KLHDC4: variants seen among roughly 807,000 people sequenced by gnomAD.
KLHDC4 encodes the protein kelch domain containing 4, also known as kelch domain-containing protein 4.
A neutral mutation model predicts 62.4 loss-of-function variants in KLHDC4; 90 were observed. The ratio of observed to expected loss-of-function variants is 1.44; its 90% CI spans 1.22 to 1.72. The LOEUF is 1.72. Ranked by LOEUF, KLHDC4 falls within the 40% of genes most tolerant of loss-of-function variation. The pLI is 0.00. For synonymous variants in KLHDC4, 386 were observed against 284.4 expected, an observed-to-expected ratio of 1.36 and a Z score of -3.59; for missense variants, 1,025 against 699.7, an observed-to-expected ratio of 1.47 and a Z score of -5.25.
intron 7 of KLHDC4, among the ~76,000 whole-genome samples, chr16:87,721,446 C>T (rs1597478340): frequency 6.7e-6 from 1 of 149,538 alleles, no homozygotes; most frequent in Admixed American, 6.7e-5. Flanking sequence ...AAAATACACC[C>T]AGAAACAGGT....
At chr16:87,765,085 C>T (rs1358898786) in intron 1 of KLHDC4, 1 of 455,730 alleles carries the variant, frequency 2.2e-6, no homozygotes, top group South Asian at 1.5e-5. Flanking sequence ...AGGAGTAAAG[C>T]CCAGGGAGCT....
chr16:87,752,409 C>G lies in KLHDC4; in HGVS notation c.369+2785G>C, dbSNP rs1289878709. On this transcript the variant is annotated intron_variant, in intron 4 of 11. Transcript: ENST00000270583. ...GGAGTGCAGTGGCGTGATCTTGGCTCACTGCAACCTCCAACGCCCCTGGTT... is the reference window on the plus strand; with the variant it reads ...GGAGTGCAGTGGCGTGATCTTGGCTGACTGCAACCTCCAACGCCCCTGGTT... Among the ~76,000 whole-genome samples, 7 of 149,446 alleles carry G rather than the reference C, an allele frequency of 4.7e-5. No individual in the cohort carries two copies. The Admixed American group carries it at 4.7e-4, about 10-fold the overall frequency.
chr16:87,713,246 C>A (rs1317367434), intron 8 of KLHDC4, among the ~76,000 whole-genome samples: 2 of 151,960 alleles, frequency 1.3e-5, no homozygotes, highest in Non-Finnish European at 2.9e-5. Flanking sequence ...GTCGCCCAGG[C>A]TGGAGTGCGG....
At chr16:87,713,476 G>C (rs1473458055) in intron 8 of KLHDC4, among the ~76,000 whole-genome samples, 2 of 152,164 alleles carry the variant, frequency 1.3e-5, no homozygotes, top group Non-Finnish European at 2.9e-5. Context: ...GGGATTATAG[G>C]TATGAGCCAC....
exon 1 of KLHDC4, chr16:87,698,269 G>A (rs2033985372): frequency 6.6e-6 from 1 of 152,266 alleles, no homozygotes; most frequent in South Asian, 2.1e-4. Flanking sequence ...TTCTGATAAT[G>A]TCGCTTTCTA....
At chr16:87,746,544 C>G (rs1187729644) in intron 5 of KLHDC4, among the ~76,000 whole-genome samples, 1 of 152,190 alleles carries the variant, frequency 6.6e-6, no homozygotes, top group African/African-American at 2.4e-5. Flanking sequence ...CACACCCTGG[C>G]TGCCAAGGCA....
At chr16:87,741,958 C>A (rs2143015374) in intron 5 of KLHDC4, among the ~76,000 whole-genome samples, 1 of 152,358 alleles carries the variant, frequency 6.6e-6, no homozygotes, top group South Asian at 2.1e-4. Flanking sequence ...TCCTGGACTT[C>A]TCAAAAGACA....
intron 7 of KLHDC4, 106 bp from the exon 8 acceptor site, chr16:87,714,679 C>T (rs1256585464): frequency 2.0e-5 from 23 of 1,162,790 alleles, no homozygotes; most frequent in Non-Finnish European, 2.9e-5. Flanking sequence ...TGGAGGCCTT[C>T]CCTGTAGACC....
At chr16:87,701,887 G>A (rs746971095) in exon 1 of KLHDC4, 7 of 456,370 alleles carry the variant, frequency 1.5e-5, no homozygotes, top group Non-Finnish European at 2.6e-5. Flanking sequence ...CCCAGGGAGT[G>A]GAGGATGGGG....
intron 1 of KLHDC4, among the ~76,000 whole-genome samples, chr16:87,764,276 GCT>G (rs1485091679): frequency 6.6e-6 from 1 of 152,102 alleles, no homozygotes; most frequent in South Asian, 2.1e-4. Context: ...GGCCTGACAG[GCT>G]CTCTCTCTTA....
rs1311187082 is a variant in KLHDC4, at chr16:87,765,703, G to A, written c.99+89C>T. 5.3e-6 allele frequency: 7 copies of A among 1,310,580 alleles called. No homozygotes were observed. The Admixed American group carries it at 7.3e-5, about 14-fold the overall frequency. 81.2% of individuals were successfully genotyped at this position (1,310,580 alleles called of 1,614,324 possible). ...CCGCAGGGCCGGCGCGGCTCCCACGGCCGACCCGTAACCCCGGGGGGCGCA... is the reference window on the plus strand; with the variant it reads ...CCGCAGGGCCGGCGCGGCTCCCACGACCGACCCGTAACCCCGGGGGGCGCA... On this transcript the variant is annotated intron_variant, in intron 1 of 11. Coordinates refer to ENST00000270583, the MANE Select transcript of KLHDC4 (RefSeq NM_017566.4).
chr16:87,722,255 C>T (rs1043926482), intron 7 of KLHDC4, among the ~76,000 whole-genome samples: 26 of 152,188 alleles, frequency 1.7e-4, no homozygotes, highest in African/African-American at 6.0e-4. Flanking sequence ...CCAAAGCTGC[C>T]GGTTCTTCGT....
At chr16:87,717,247 G>C (rs1483663526) in intron 7 of KLHDC4, among the ~76,000 whole-genome samples, 1 of 152,200 alleles carries the variant, frequency 6.6e-6, no homozygotes, top group Non-Finnish European at 1.5e-5. Flanking sequence ...AAAAATTAAA[G>C]AGACCAAGAT....
intron 7 of KLHDC4, among the ~76,000 whole-genome samples, chr16:87,715,961 G>A (rs1007905104): frequency 3.9e-5 from 6 of 152,140 alleles, no homozygotes; most frequent in Non-Finnish European, 7.4e-5. Flanking sequence ...CTTTGGGCAC[G>A]CTCTGTGTCT....
intron 7 of KLHDC4, among the ~76,000 whole-genome samples, chr16:87,716,112 G>A (rs1253056870): frequency 2.6e-5 from 4 of 152,076 alleles, no homozygotes; most frequent in Non-Finnish European, 5.9e-5. Flanking sequence ...TAGACTTTGG[G>A]TACACACTAT....
At position 87,701,061 on chromosome 16, in the gene KLHDC4, C is replaced by T. The variant is rs987389126; in HGVS notation, c.*578G>A. The T allele has an allele frequency of 3.6e-5, 7 of 193,624 alleles. No homozygotes were observed. The Admixed American group carries it at 4.0e-4, about 11-fold the overall frequency. The allele number at this position is 193,624 out of a possible 1,614,324, so 12.0% of individuals were successfully genotyped here. A position where few individuals can be genotyped will look rare whatever the true frequency, so the allele number is the denominator to read the frequency against. ...TCAAAACAAGCAAGGAAGAGTGCAG[C>T]TGCATTTGTTGAAAAAAAGCCAGGC... On this transcript the variant is annotated 3_prime_UTR_variant, in exon 1 of 1. Transcript: ENST00000446344.
chr16:87,702,296 G>C, exon 1 of KLHDC4: 1 of 456,324 alleles, frequency 2.2e-6, no homozygotes, highest in Non-Finnish European at 4.4e-6. Context: ...AAGGAGGGCC[G>C]GTCTGCCGGG....
intron 5 of KLHDC4, chr16:87,739,681 G>T (rs992186447): frequency 2.6e-5 from 4 of 152,692 alleles, no homozygotes; most frequent in African/African-American, 9.7e-5. Context: ...TCTGGCCACG[G>T]GAGTGAAGTG....
intron 7 of KLHDC4, among the ~76,000 whole-genome samples, chr16:87,725,508 C>G (rs935180816): frequency 3.3e-5 from 5 of 152,300 alleles, no homozygotes; most frequent in Admixed American, 2.6e-4. Context: ...GAGGAGTATA[C>G]AGGTGTTCCC....
Sources: allele counts gnomAD v4.1 joint callset (sites outside exome capture counted in the v4.1 genomes callset), GRCh38; gene constraint gnomAD v4.1.1; transcripts MANE v1.5; gene names NCBI Gene and HGNC (gene_info 2026-07-23, HGNC 2026-07-21).